The following DSCAM variants were observed in gnomAD, a reference collection of about 807,000 sequenced individuals.
DSCAM encodes cell adhesion molecule DSCAM.
Under a neutral mutation model 217.7 loss-of-function variants are expected in DSCAM, and 47 were observed. The observed-to-expected ratio is 0.22, with a 90% CI of 0.17 to 0.28. DSCAM has a LOEUF of 0.28. Ranked by LOEUF, DSCAM falls within the 10% of genes least tolerant of loss-of-function variation. The pLI is 1.00. For missense variants in DSCAM, 2,080 were observed against 2,618.3 expected, an observed-to-expected ratio of 0.79 and a Z score of 4.49; for synonymous variants, 1,056 against 1,015.3, an observed-to-expected ratio of 1.04 and a Z score of -0.76.
At chr21:40,131,461 C>G (rs904245255) in intron 19 of DSCAM, among the ~76,000 whole-genome samples, 2 of 152,082 alleles carry the variant, frequency 1.3e-5, no homozygotes, top group Non-Finnish European at 2.9e-5. Context: ...AGTCTCGATC[C>G]GTCACCCAGG....
At chr21:40,242,544 T>A (rs1185194792) in intron 11 of DSCAM, among the ~76,000 whole-genome samples, 4 of 152,254 alleles carry the variant, frequency 2.6e-5, no homozygotes, top group African/African-American at 9.6e-5. Context: ...AAGTACTACA[T>A]GAGCTTCCAG....
intron 29 of DSCAM, 124 bp downstream of exon 29, chr21:40,055,601 C>T (rs1301940626): frequency 2.9e-6 from 2 of 685,822 alleles, no homozygotes; most frequent in African/African-American, 3.5e-5. Context: ...TACCTTCTAG[C>T]TTTGGTACTC....
chr21:40,648,748 C>A (rs2089979817), intron 3 of DSCAM, among the ~76,000 whole-genome samples: 1 of 152,192 alleles, frequency 6.6e-6, no homozygotes. Flanking sequence ...CAGACCTAGC[C>A]ACACTGGGAG....
At chr21:40,419,201 TC>T (rs2075400223) in intron 3 of DSCAM, among the ~76,000 whole-genome samples, 4 of 151,064 alleles carry the variant, frequency 2.6e-5, no homozygotes, top group Admixed American at 2.6e-4. Context: ...CAGGATGGTC[TC>T]CATCTCCTGA....
rs146045551 is a variant in DSCAM at position 40,530,581 on chromosome 21, G to A, written c.509-161336C>T. On this transcript the variant is annotated intron_variant, in intron 3 of 32. Transcript: ENST00000400454. ...TAAAATGACAAATAACCTAAAATAA[G>A]TTCTATTTGACATTAAAATGCTCTA... 1.6e-3 allele frequency among the ~76,000 whole-genome samples: 244 copies of A among 152,200 alleles called. 1 individual carries two copies. The highest frequency in any genetic ancestry group is 5.6e-3 in the African/African-American group (232 of 41,536).
chr21:40,831,290 T>C (rs1351579953), intron 1 of DSCAM, among the ~76,000 whole-genome samples: 1 of 125,894 alleles, frequency 7.9e-6, no homozygotes, highest in Non-Finnish European at 1.7e-5. Context: ...AATATCACCA[T>C]AGCGTGGCAC....
At chr21:40,146,461 A>C (rs1464750500) in intron 16 of DSCAM, among the ~76,000 whole-genome samples, 1 of 152,322 alleles carries the variant, frequency 6.6e-6, no homozygotes, top group East Asian at 1.9e-4. Flanking sequence ...GCTGATGAAC[A>C]GCATTGATGG....
intron 13 of DSCAM, 76 bp from the exon 14 acceptor site, chr21:40,187,335 G>A (rs1015776507): frequency 8.3e-5 from 130 of 1,558,968 alleles, no homozygotes; most frequent in Middle Eastern, 5.1e-4. Flanking sequence ...AATGCTGAGC[G>A]TGACTCACAA....
chr21:40,374,948 CAA>C (rs1378485959), intron 3 of DSCAM, among the ~76,000 whole-genome samples: 1 of 152,126 alleles, frequency 6.6e-6, no homozygotes, highest in African/African-American at 2.4e-5. Flanking sequence ...CCAAGCTGAC[CAA>C]GATATTATCT....
chr21:40,822,441 T>C (rs1361143182), intron 1 of DSCAM, among the ~76,000 whole-genome samples: 1 of 149,744 alleles, frequency 6.7e-6, no homozygotes, highest in East Asian at 2.0e-4. Flanking sequence ...TTACCTCTGT[T>C]TTTTTTTAAA....
chr21:40,253,538 T>G (rs1002625352), intron 11 of DSCAM, among the ~76,000 whole-genome samples: 1 of 152,168 alleles, frequency 6.6e-6, no homozygotes, highest in African/African-American at 2.4e-5. Flanking sequence ...GGGCTGGCCT[T>G]CTGGAAAGAC....
At chr21:40,318,008 C>T (rs1281468910) in intron 8 of DSCAM, among the ~76,000 whole-genome samples, 1 of 152,082 alleles carries the variant, frequency 6.6e-6, no homozygotes, top group Non-Finnish European at 1.5e-5. Context: ...ATGAACTCAT[C>T]ATTTTTTATG....
intron 3 of DSCAM, among the ~76,000 whole-genome samples, chr21:40,647,193 TCTA>T (rs2089958444): frequency 6.6e-6 from 1 of 152,226 alleles, no homozygotes; most frequent in Non-Finnish European, 1.5e-5. Flanking sequence ...TATTAGGATG[TCTA>T]CACTAATCAT....
intron 10 of DSCAM, among the ~76,000 whole-genome samples, chr21:40,286,790 A>T (rs2073830999): frequency 7.0e-6 from 1 of 143,418 alleles, no homozygotes; most frequent in Admixed American, 6.8e-5. Flanking sequence ...CGTGATCTGC[A>T]GTATGATCTG....
intron 27 of DSCAM, among the ~76,000 whole-genome samples, chr21:40,073,565 G>T (rs557957731): frequency 1.3e-4 from 20 of 152,306 alleles, no homozygotes; most frequent in African/African-American, 4.1e-4. Flanking sequence ...ACCATAATGG[G>T]CTGTATTATA....
At chr21:40,058,247 A>C in intron 28 of DSCAM, among the ~76,000 whole-genome samples, 1 of 151,970 alleles carries the variant, frequency 6.6e-6, no homozygotes, top group South Asian at 2.1e-4. Context: ...CTACCCCCAA[A>C]ACCCACATAC....
At chr21:40,233,197 A>G (rs955874906) in intron 11 of DSCAM, among the ~76,000 whole-genome samples, 2 of 152,180 alleles carry the variant, frequency 1.3e-5, no homozygotes, top group Non-Finnish European at 2.9e-5. Flanking sequence ...AAAATCCCTT[A>G]AGAGTACTTG....
intron 11 of DSCAM, among the ~76,000 whole-genome samples, chr21:40,261,259 A>G (rs1432571368): frequency 6.6e-6 from 1 of 152,184 alleles, no homozygotes; most frequent in Non-Finnish European, 1.5e-5. Flanking sequence ...ACAATTATAT[A>G]ACTGTGCTAA....
intron 3 of DSCAM, among the ~76,000 whole-genome samples, chr21:40,443,861 T>G (rs1246899514): frequency 1.3e-5 from 2 of 152,198 alleles, no homozygotes; most frequent in Non-Finnish European, 2.9e-5. Context: ...CTCTACATCA[T>G]ATTTGTATTC....
Sources: gnomAD v4.1 joint callset for allele counts (sites outside exome capture counted in the v4.1 genomes callset) on GRCh38, gnomAD v4.1.1 for gene constraint, MANE v1.5 for transcripts, NCBI Gene and HGNC (gene_info 2026-07-23, HGNC 2026-07-21) for gene names.